GAGE1: variants seen among roughly 807,000 people sequenced by gnomAD.
The protein encoded by GAGE1 is G antigen 1, also known as G antigen 4.
Under a neutral mutation model 5.0 loss-of-function variants are expected in GAGE1, and 5 were observed. That is an observed-to-expected ratio of 1.00 (90% confidence interval 0.52 to 2.11). The LOEUF is 2.11. GAGE1 is among the 30% of genes most tolerant of loss of function. GAGE1 has a pLI of 0.01. For missense variants in GAGE1, 9 were observed against 38.9 expected, an observed-to-expected ratio of 0.23 and a Z score of 2.04; for synonymous variants, 6 against 14.8, an observed-to-expected ratio of 0.40 and a Z score of 1.37.
rs1464695681 is a variant in GAGE1 at position 49,606,607 on chromosome X, A to T, written c.*592A>T. 2 of 112,566 alleles carry T rather than the reference A, an allele frequency of 1.8e-5. No homozygotes were observed. The highest frequency in any genetic ancestry group is 6.5e-5 in the African/African-American group (2 of 30,987). The allele number at this position is 112,566 out of a possible 1,213,427, so 9.3% of individuals were successfully genotyped here. A position where few individuals can be genotyped will look rare whatever the true frequency, so the allele number is the denominator to read the frequency against. The stretch of plus-strand genomic sequence containing the variant: ...AGTGGAAATTTTTGTGTTATTCCTG[A>T]TGAGAAATGGAAAAATTTCAACATT... On this transcript the variant is annotated 3_prime_UTR_variant, in exon 5 of 5. Coordinates refer to ENST00000381700, the MANE Select transcript of GAGE1 (RefSeq NM_001040663.4).
At chrX:49,602,137 C>T (rs1602748057) in intron 3 of GAGE1, among the ~76,000 whole-genome samples, 1 of 111,880 alleles carries the variant, frequency 8.9e-6, no homozygotes, top group Admixed American at 9.5e-5. Context: ...ACAGTGAGAC[C>T]TCATCGCTAA....
intron 4 of GAGE1, among the ~76,000 whole-genome samples, chrX:49,604,529 G>A (rs1300584226): frequency 2.7e-5 from 3 of 112,167 alleles, no homozygotes; most frequent in Non-Finnish European, 5.6e-5. Flanking sequence ...TATGAAAATA[G>A]TGAGTTTAAG....
chrX:49,605,963 A>T, intron 4 of GAGE1, 30 bp from the exon 5 acceptor site: 1 of 964,898 alleles, frequency 1.0e-6, no homozygotes, highest in East Asian at 3.7e-5. Context: ...GTTGCTCTGT[A>T]ATGTTCCCAA....
intron 4 of GAGE1, among the ~76,000 whole-genome samples, chrX:49,605,380 T>C (rs1557132011): frequency 3.6e-5 from 4 of 112,513 alleles, no homozygotes; most frequent in African/African-American, 1.3e-4. Context: ...AACTGAAGTA[T>C]ATTTCACACA....
chrX:49,602,168 T>G (rs200762969), intron 3 of GAGE1, among the ~76,000 whole-genome samples: 1 of 112,888 alleles, frequency 8.9e-6, no homozygotes, highest in East Asian at 2.8e-4. Context: ...AATGGATAAA[T>G]AAATACATAA....
intron 4 of GAGE1, among the ~76,000 whole-genome samples, chrX:49,604,625 G>T (rs1557131768): frequency 1.8e-5 from 2 of 112,356 alleles, no homozygotes; most frequent in African/African-American, 6.5e-5. Context: ...GAGATCATCT[G>T]CTTCGCATGG....
Sources: allele counts gnomAD v4.1 joint callset (sites outside exome capture counted in the v4.1 genomes callset), GRCh38; gene constraint gnomAD v4.1.1; transcripts MANE v1.5; gene names NCBI Gene and HGNC (gene_info 2026-07-23, HGNC 2026-07-21).